The following NCOA2 variants were observed in gnomAD, a reference collection of about 807,000 sequenced individuals.
The protein encoded by NCOA2 is nuclear receptor coactivator 2.
NCOA2 carries 21 observed loss-of-function variants against 145.1 expected under a neutral mutation model. The ratio of observed to expected loss-of-function variants is 0.14; its 90% CI spans 0.10 to 0.21. The LOEUF (loss-of-function observed/expected upper bound fraction) is 0.21. NCOA2 is among the 10% of genes least tolerant of loss of function. The pLI, the probability that NCOA2 is intolerant of heterozygous loss-of-function variation, is 1.00. For synonymous variants in NCOA2, 619 were observed against 637.5 expected (o/e 0.97, Z 0.44); for missense variants, 1,472 against 1,837.6 (o/e 0.80, Z 3.64).
Position 70,325,096 on chromosome 8 carries a change from T to C in NCOA2, c.-76-28296A>G, listed in dbSNP as rs140709724. Among the ~76,000 whole-genome samples, 504 of 152,336 alleles carry C rather than the reference T, an allele frequency of 3.3e-3. 3 individuals carry two copies. The highest frequency in any genetic ancestry group is 0.011 in the African/African-American group (477 of 41,582). On this transcript the variant is annotated intron_variant, in intron 1 of 22. Coordinates refer to ENST00000452400, the MANE Select transcript of NCOA2 (RefSeq NM_006540.4). Reference sequence around the variant, plus strand: ...CTTACCATTACTGTTATTCCTATCTTAAGAATATGGCATCATGTACCTAAC... The same window carrying C: ...CTTACCATTACTGTTATTCCTATCTCAAGAATATGGCATCATGTACCTAAC...
chr8:70,440,581 G>T, the NCOA2 span, among the ~76,000 whole-genome samples: 4 of 151,156 alleles, frequency 2.6e-5, no homozygotes, highest in African/African-American at 9.7e-5. Flanking sequence ...GAGAGAGAGA[G>T]AGACTGAGAC....
chr8:70,332,261 T>C (rs1025874866), intron 1 of NCOA2, among the ~76,000 whole-genome samples: 2 of 152,188 alleles, frequency 1.3e-5, no homozygotes, highest in Non-Finnish European at 2.9e-5. Flanking sequence ...ACTACATTTG[T>C]GTTTGAGCAG....
At chr8:70,373,252 C>T (rs765888225) in intron 1 of NCOA2, among the ~76,000 whole-genome samples, 6 of 152,188 alleles carry the variant, frequency 3.9e-5, no homozygotes, top group Non-Finnish European at 8.8e-5. Flanking sequence ...GTCTCCCCTG[C>T]ACTTGGTATT....
At chr8:70,244,904 C>A (rs77443897) in intron 2 of NCOA2, 6,905 of 152,140 alleles carry the variant, frequency 0.045, 261 homozygotes, top group East Asian at 0.16. Context: ...CTGGTTGTCA[C>A]GCTCAGTTCT....
At chr8:70,345,254 TATC>T (rs1278604120) in intron 1 of NCOA2, among the ~76,000 whole-genome samples, 1 of 152,184 alleles carries the variant, frequency 6.6e-6, no homozygotes, top group African/African-American at 2.4e-5. Context: ...TTTGTAAACA[TATC>T]ATGCAGGATT....
chr8:70,309,411 C>A (rs1432833964), intron 1 of NCOA2, among the ~76,000 whole-genome samples: 3 of 146,952 alleles, frequency 2.0e-5, no homozygotes, highest in African/African-American at 7.4e-5. Flanking sequence ...AGCTGGAAAC[C>A]AGAATGGCAA....
intron 2 of NCOA2, among the ~76,000 whole-genome samples, chr8:70,228,593 T>C (rs1820870293): frequency 6.6e-6 from 1 of 152,100 alleles, no homozygotes; most frequent in Non-Finnish European, 1.5e-5. Flanking sequence ...AAATTCCTTC[T>C]ATTTTTTATG....
At chr8:70,383,872 T>C (rs1812433399) in intron 1 of NCOA2, among the ~76,000 whole-genome samples, 1 of 152,238 alleles carries the variant, frequency 6.6e-6, no homozygotes, top group African/African-American at 2.4e-5. Context: ...GTTTATTCCT[T>C]TGAACTTCAT....
chr8:70,131,802 C>A, intron 16 of NCOA2, 35 bp downstream of exon 16: 1 of 1,560,624 alleles, frequency 6.4e-7, no homozygotes, highest in South Asian at 1.2e-5. Flanking sequence ...CCCATGAGAG[C>A]GCTTGGCCCC....
At chr8:70,364,024 C>T (rs141604111) in intron 1 of NCOA2, among the ~76,000 whole-genome samples, 41 of 151,424 alleles carry the variant, frequency 2.7e-4, no homozygotes, top group Non-Finnish European at 4.9e-4. Flanking sequence ...AAAAAAAAAC[C>T]CACAAATAAA....
At chr8:70,271,896 T>C (rs1362849061) in intron 2 of NCOA2, among the ~76,000 whole-genome samples, 1 of 152,210 alleles carries the variant, frequency 6.6e-6, no homozygotes, top group Non-Finnish European at 1.5e-5. Flanking sequence ...CCTAATGAAG[T>C]TCCTAGCTAA....
upstream of NCOA2, among the ~76,000 whole-genome samples, chr8:70,408,077 ATAT>A (rs1055356924): frequency 6.6e-6 from 1 of 152,088 alleles, no homozygotes. Context: ...GCAAAAACAA[ATAT>A]TAATACACCC....
rs1460898427 is a variant in NCOA2 at position 70,174,913 on chromosome 8, G to A, written c.260-54C>T. On this transcript the variant is annotated intron_variant, in intron 4 of 22. Transcript: ENST00000452400. ...GGCAGTGCTATTTCAAGGACAGAGT[G>A]ACACAGAAATGTTTTTACTGTAATG... 4.7e-6 allele frequency: 7 copies of A among 1,488,360 alleles called. No individual in the cohort carries two copies. The Admixed American group carries it at 1.2e-4, about 25-fold the overall frequency. 92.2% of individuals were successfully genotyped at this position (1,488,360 alleles called of 1,614,324 possible).
rs11778704 is a variant in NCOA2 at position 70,217,720 on chromosome 8, T to G, written c.-19-956A>C. Among the ~76,000 whole-genome samples the G allele has an allele frequency of 2.1e-3, 317 of 152,256 alleles. 1 individual carries two copies. Among genetic ancestry groups the G allele is most frequent in the Non-Finnish European group, 3.5e-3 (239 of 68,014 alleles). On this transcript the variant is annotated intron_variant, in intron 2 of 22. Coordinates refer to ENST00000452400, the MANE Select transcript of NCOA2 (RefSeq NM_006540.4). Reference sequence around the variant, plus strand: ...AACAAGCCAGTGACAGAGGTTTACGTACTGAAAGAGCTAAACAAAGAGACT... The same window carrying G: ...AACAAGCCAGTGACAGAGGTTTACGGACTGAAAGAGCTAAACAAAGAGACT...
At chr8:70,428,830 G>A in the NCOA2 span, among the ~76,000 whole-genome samples, 10 of 150,122 alleles carry the variant, frequency 6.7e-5, no homozygotes, top group African/African-American at 2.5e-4. Flanking sequence ...CCCTCTGTGT[G>A]GCAATCTAAC....
At chr8:70,157,985 G>A (rs1440205758) in intron 10 of NCOA2, among the ~76,000 whole-genome samples, 1 of 152,192 alleles carries the variant, frequency 6.6e-6, no homozygotes, top group East Asian at 1.9e-4. Flanking sequence ...TTCTGAGCAA[G>A]ATGATTTTGC....
At position 70,163,608 on chromosome 8, in the gene NCOA2, T is replaced by TAA. The variant is rs753602273; in HGVS notation, c.731-43_731-42insTT. 3,412 of 1,508,978 alleles carry TAA rather than the reference T, an allele frequency of 2.3e-3. 78 individuals carry two copies. In the African/African-American group the frequency reaches 0.042, roughly 18 times the overall value. 93.5% of individuals were successfully genotyped at this position (1,508,978 alleles called of 1,614,324 possible). A position where few individuals can be genotyped will look rare whatever the true frequency, so the allele number is the denominator to read the frequency against. On this transcript the variant is annotated intron_variant, in intron 7 of 22. Coordinates refer to ENST00000452400, the MANE Select transcript of NCOA2 (RefSeq NM_006540.4). The stretch of plus-strand genomic sequence containing the variant: ...TTACATTTATCATATTGGGCTTTTC[T>TAA]AGTGATTCAAACAAACCCAAGTGTA...
intron 2 of NCOA2, among the ~76,000 whole-genome samples, chr8:70,240,846 G>T (rs188195169): frequency 1.3e-5 from 2 of 152,074 alleles, no homozygotes; most frequent in Non-Finnish European, 2.9e-5. Context: ...CTCAGAATTC[G>T]CCAGTTCAAT....
chr8:70,208,051 G>A (rs1335560102), intron 4 of NCOA2, among the ~76,000 whole-genome samples: 9 of 151,664 alleles, frequency 5.9e-5, no homozygotes, highest in Non-Finnish European at 1.3e-4. Context: ...AAGAGTTCGA[G>A]ACCAGCCTGG....
Sources: gnomAD v4.1 joint callset for allele counts (sites outside exome capture counted in the v4.1 genomes callset) on GRCh38, gnomAD v4.1.1 for gene constraint, MANE v1.5 for transcripts, NCBI Gene and HGNC (gene_info 2026-07-23, HGNC 2026-07-21) for gene names.